The following CNTNAP2 variants were observed in gnomAD, a reference collection of about 807,000 sequenced individuals.
CNTNAP2 encodes contactin-associated protein-like 2.
CNTNAP2 carries 98 observed loss-of-function variants against 155.2 expected under a neutral mutation model. The observed-to-expected ratio is 0.63, with a 90% CI of 0.54 to 0.75. The LOEUF (loss-of-function observed/expected upper bound fraction) is 0.75. CNTNAP2 is among the 30% of genes least tolerant of loss of function. CNTNAP2 has a pLI of 0.00. For synonymous variants in CNTNAP2, 651 were observed against 631.2 expected (o/e 1.03, Z -0.47); for missense variants, 1,727 against 1,688.1 (o/e 1.02, Z -0.40).
At chr7:146,898,422 T>C (rs1033087866) in intron 3 of CNTNAP2, among the ~76,000 whole-genome samples, 2 of 152,020 alleles carry the variant, frequency 1.3e-5, no homozygotes, top group Admixed American at 1.3e-4. Flanking sequence ...TTTCTGAACA[T>C]TTGCTTTCCC....
intron 17 of CNTNAP2, among the ~76,000 whole-genome samples, chr7:148,171,338 T>C (rs1805790047): frequency 6.6e-6 from 1 of 152,188 alleles, no homozygotes; most frequent in Admixed American, 6.5e-5. Context: ...TACTATTCAT[T>C]TTAGATTAGT....
chr7:147,502,539 C>G (rs1430634227), intron 11 of CNTNAP2, among the ~76,000 whole-genome samples: 1 of 152,078 alleles, frequency 6.6e-6, no homozygotes, highest in Non-Finnish European at 1.5e-5. Flanking sequence ...TACAAACTTT[C>G]AATTACAAGA....
intron 13 of CNTNAP2, among the ~76,000 whole-genome samples, chr7:147,856,437 G>A (rs958361062): frequency 1.2e-4 from 18 of 152,044 alleles, no homozygotes; most frequent in Admixed American, 5.2e-4. Flanking sequence ...AAATGTGGAC[G>A]GGGAAATGCC....
chr7:148,240,322 T>A (rs1796122853), intron 20 of CNTNAP2, among the ~76,000 whole-genome samples: 1 of 152,158 alleles, frequency 6.6e-6, no homozygotes, highest in Non-Finnish European at 1.5e-5. Context: ...AGGCATTTTG[T>A]CAGATAATAG....
At chr7:146,658,734 G>T (rs957751699) in intron 1 of CNTNAP2, among the ~76,000 whole-genome samples, 1 of 152,206 alleles carries the variant, frequency 6.6e-6, no homozygotes, top group African/African-American at 2.4e-5. Flanking sequence ...GACTGATCCA[G>T]TGATGAGGTA....
intron 1 of CNTNAP2, among the ~76,000 whole-genome samples, chr7:146,625,132 A>G (rs960061345): frequency 5.9e-5 from 9 of 152,042 alleles, no homozygotes; most frequent in African/African-American, 1.9e-4. Flanking sequence ...CTTTAATATT[A>G]TAGATGGCAT....
chr7:147,181,920 T>C (rs889796239), intron 8 of CNTNAP2, among the ~76,000 whole-genome samples: 1 of 151,958 alleles, frequency 6.6e-6, no homozygotes, highest in Non-Finnish European at 1.5e-5. Context: ...AGGTCAGTAG[T>C]TCGAGACCAG....
chr7:146,568,382 G>A (rs1006090857), intron 1 of CNTNAP2, among the ~76,000 whole-genome samples: 3 of 152,160 alleles, frequency 2.0e-5, no homozygotes, highest in Non-Finnish European at 2.9e-5. Context: ...CAGAGAGGTA[G>A]ACATTTTAGT....
chr7:146,461,781 A>G (rs1407331014), intron 1 of CNTNAP2, among the ~76,000 whole-genome samples: 3 of 152,210 alleles, frequency 2.0e-5, no homozygotes, highest in African/African-American at 4.8e-5. Flanking sequence ...TACCCACACT[A>G]GACAGCATTA....
At chr7:146,343,727 A>C (rs914611090) in intron 1 of CNTNAP2, among the ~76,000 whole-genome samples, 3 of 152,164 alleles carry the variant, frequency 2.0e-5, no homozygotes, top group Admixed American at 6.6e-5. Context: ...TGTATGTAAA[A>C]TATAGGATAT....
intron 3 of CNTNAP2, among the ~76,000 whole-genome samples, chr7:146,908,754 G>C (rs1203930688): frequency 1.4e-5 from 2 of 137,972 alleles, no homozygotes; most frequent in South Asian, 2.4e-4. Flanking sequence ...AGAAAAGCAA[G>C]AGCAAACACA....
At chr7:147,901,608 G>T (rs923826126) in intron 13 of CNTNAP2, among the ~76,000 whole-genome samples, 2 of 152,048 alleles carry the variant, frequency 1.3e-5, no homozygotes, top group East Asian at 1.9e-4. Context: ...TGCTCCATTT[G>T]CCTAGGAGGT....
chr7:146,620,896 A>C (rs1022376595), intron 1 of CNTNAP2, among the ~76,000 whole-genome samples: 1 of 152,218 alleles, frequency 6.6e-6, no homozygotes. Context: ...TCTAAATATC[A>C]TGTGGCAAGA....
chr7:147,731,013 G>A (rs958066827), intron 13 of CNTNAP2, among the ~76,000 whole-genome samples: 1 of 152,142 alleles, frequency 6.6e-6, no homozygotes, highest in African/African-American at 2.4e-5. Context: ...GCTCAGAGAA[G>A]TGAGAAAGCT....
intron 11 of CNTNAP2, among the ~76,000 whole-genome samples, chr7:147,544,789 G>A (rs752718707): frequency 6.6e-6 from 1 of 152,086 alleles, no homozygotes; most frequent in African/African-American, 2.4e-5. Flanking sequence ...TAGTGAATAA[G>A]TCTCACGAGA....
At chr7:147,363,058 G>C (rs1796171203) in intron 9 of CNTNAP2, among the ~76,000 whole-genome samples, 1 of 152,146 alleles carries the variant, frequency 6.6e-6, no homozygotes, top group South Asian at 2.1e-4. Flanking sequence ...CAATGGGTCA[G>C]TGGGTCTGAA....
At chr7:146,930,817 C>T (rs1486008591) in intron 3 of CNTNAP2, among the ~76,000 whole-genome samples, 1 of 151,992 alleles carries the variant, frequency 6.6e-6, no homozygotes, top group Non-Finnish European at 1.5e-5. Context: ...TTTAAACCAA[C>T]AAAGATCAAA....
intron 1 of CNTNAP2, among the ~76,000 whole-genome samples, chr7:146,624,050 A>G (rs1265808214): frequency 2.6e-5 from 4 of 152,018 alleles, no homozygotes; most frequent in African/African-American, 9.7e-5. Context: ...TGTCATCTCT[A>G]TATCATTTTT....
intron 21 of CNTNAP2, among the ~76,000 whole-genome samples, chr7:148,276,367 C>A (rs1440682387): frequency 6.6e-6 from 1 of 152,204 alleles, no homozygotes; most frequent in African/African-American, 2.4e-5. Flanking sequence ...CATAATCCCA[C>A]CAGGACACTC....
Sources: allele counts gnomAD v4.1 joint callset (sites outside exome capture counted in the v4.1 genomes callset), GRCh38; gene constraint gnomAD v4.1.1; transcripts MANE v1.5; gene names NCBI Gene and HGNC (gene_info 2026-07-23, HGNC 2026-07-21).